The following RUNX2 variants were observed in gnomAD, a reference collection of about 807,000 sequenced individuals.
The protein encoded by RUNX2 is runt-related transcription factor 2.
A neutral mutation model predicts 51.7 loss-of-function variants in RUNX2; 10 were observed. That is an observed-to-expected ratio of 0.19 (90% CI 0.12 to 0.33). The LOEUF (loss-of-function observed/expected upper bound fraction) is 0.33, where lower values mean the gene tolerates loss of function less well. Among genes scored for constraint, RUNX2 ranks in the 10% least tolerant of loss-of-function variants. The pLI is 1.00. For missense variants in RUNX2, 562 were observed against 691.3 expected, an observed-to-expected ratio of 0.81 and a Z score of 2.10; for synonymous variants, 276 against 273.6, an observed-to-expected ratio of 1.01 and a Z score of -0.09.
intron 2 of RUNX2, among the ~76,000 whole-genome samples, chr6:45,341,934 G>A (rs1789864344): frequency 6.6e-6 from 1 of 152,132 alleles, no homozygotes; most frequent in Admixed American, 6.5e-5. Context: ...AGCCAGAACA[G>A]TCAACCAAAA....
chr6:45,532,448 T>C (rs1801889366), intron 7 of RUNX2, among the ~76,000 whole-genome samples: 1 of 152,070 alleles, frequency 6.6e-6, no homozygotes, highest in Non-Finnish European at 1.5e-5. Context: ...GTGATCACCC[T>C]GTGAGGCAGG....
chr6:45,512,273 C>T lies in RUNX2; in HGVS notation c.887C>T (p.Pro296Leu), dbSNP rs201584115. 1.4e-4 allele frequency: 230 copies of T among 1,614,050 alleles called. 1 individual carries two copies. Among genetic ancestry groups the T allele is most frequent in the South Asian group, 3.1e-4 (28 of 91,082 alleles). ...TDPRQAQSSP[P>L]WSYDQSYPSY... ...CCCAGGCAGGCACAGTCTTCCCCGC[C>T]GTGGTCCTATGACCAGTCTTACCCC... The change falls in exon 7 of 9, where the codon CCG becomes CTG. Residue 296 changes from proline to leucine, a missense_variant. Around this residue, in one of 5 missense-constraint regions of RUNX2, gnomAD observed 304 missense variants for 353.2 expected, o/e 0.86. Transcript: ENST00000647337.
intron 2 of RUNX2, among the ~76,000 whole-genome samples, chr6:45,380,380 G>A (rs1020618827): frequency 6.6e-6 from 1 of 152,188 alleles, no homozygotes; most frequent in Non-Finnish European, 1.5e-5. Flanking sequence ...ATGAAGCATT[G>A]TTAGCGTAGA....
At chr6:45,393,900 T>C (rs2150348322) in intron 2 of RUNX2, among the ~76,000 whole-genome samples, 1 of 149,384 alleles carries the variant, frequency 6.7e-6, no homozygotes, top group Middle Eastern at 3.5e-3. Flanking sequence ...AGGAGTAGGG[T>C]TGGGGTTGGG....
At chr6:45,499,645 G>A (rs1800742892) in intron 6 of RUNX2, among the ~76,000 whole-genome samples, 1 of 152,166 alleles carries the variant, frequency 6.6e-6, no homozygotes, top group Non-Finnish European at 1.5e-5. Context: ...AGTAGAGAGG[G>A]TGATGTTCCC....
intron 3 of RUNX2, among the ~76,000 whole-genome samples, chr6:45,423,871 G>A (rs1798308681): frequency 6.6e-6 from 1 of 152,212 alleles, no homozygotes; most frequent in South Asian, 2.1e-4. Context: ...AGCTCGGGCC[G>A]CTTCTTCCAG....
intron 2 of RUNX2, among the ~76,000 whole-genome samples, chr6:45,352,460 G>A (rs1044881443): frequency 2.6e-5 from 4 of 152,060 alleles, no homozygotes; most frequent in Non-Finnish European, 5.9e-5. Context: ...AGGAAAGAAG[G>A]TGAAACATTG....
intron 5 of RUNX2, among the ~76,000 whole-genome samples, chr6:45,463,796 T>C (rs376597962): frequency 6.6e-6 from 1 of 152,184 alleles, no homozygotes; most frequent in Non-Finnish European, 1.5e-5. Context: ...GTCTTGGAAA[T>C]ACACATATTA....
At chr6:45,352,108 C>T (rs1792183661) in intron 2 of RUNX2, among the ~76,000 whole-genome samples, 1 of 152,140 alleles carries the variant, frequency 6.6e-6, no homozygotes, top group Non-Finnish European at 1.5e-5. Flanking sequence ...ATAAATATTA[C>T]CTGACCTTTT....
At chr6:45,478,502 C>A (rs1460195306) in intron 5 of RUNX2, among the ~76,000 whole-genome samples, 3 of 152,186 alleles carry the variant, frequency 2.0e-5, no homozygotes, top group Non-Finnish European at 2.9e-5. Context: ...AACTTAGTAG[C>A]AGAGCTAGGA....
intron 2 of RUNX2, among the ~76,000 whole-genome samples, chr6:45,334,163 T>A (rs1297106526): frequency 6.6e-6 from 1 of 151,158 alleles, no homozygotes; most frequent in Non-Finnish European, 1.5e-5. Flanking sequence ...TCTAAAAAGG[T>A]ATATCTAAAT....
At chr6:45,384,011 C>T (rs1563061976) in intron 2 of RUNX2, among the ~76,000 whole-genome samples, 1 of 152,198 alleles carries the variant, frequency 6.6e-6, no homozygotes. Flanking sequence ...GTATTTTCCT[C>T]TTTCCAGAAT....
At chr6:45,451,645 C>A (rs1009666922) in intron 5 of RUNX2, among the ~76,000 whole-genome samples, 2 of 152,054 alleles carry the variant, frequency 1.3e-5, no homozygotes, top group Non-Finnish European at 2.9e-5. Flanking sequence ...TGTATGGTGA[C>A]CAGCTGTTTT....
At chr6:45,459,932 G>A (rs1264881620) in intron 5 of RUNX2, among the ~76,000 whole-genome samples, 1 of 152,156 alleles carries the variant, frequency 6.6e-6, no homozygotes, top group African/African-American at 2.4e-5. Flanking sequence ...AAGGCATTGA[G>A]GCCCAGCTCT....
At chr6:45,534,374 A>G (rs1271857797) in intron 7 of RUNX2, among the ~76,000 whole-genome samples, 1 of 152,284 alleles carries the variant, frequency 6.6e-6, no homozygotes, top group Non-Finnish European at 1.5e-5. Context: ...ATGGGTGCCT[A>G]TCCTGACTAC....
intron 2 of RUNX2, among the ~76,000 whole-genome samples, chr6:45,334,679 T>C (rs1435900352): frequency 6.6e-6 from 1 of 151,194 alleles, no homozygotes; most frequent in Non-Finnish European, 1.5e-5. Flanking sequence ...TTAACATTTT[T>C]ATACATGGCA....
chr6:45,473,806 A>C (rs572704264), intron 5 of RUNX2, among the ~76,000 whole-genome samples: 327 of 152,274 alleles, frequency 2.1e-3, no homozygotes, highest in South Asian at 0.014. Flanking sequence ...TTCCCTCTGA[A>C]ATTTTGAGTC....
intron 7 of RUNX2, among the ~76,000 whole-genome samples, chr6:45,542,807 A>G (rs1802272729): frequency 6.6e-6 from 1 of 152,222 alleles, no homozygotes; most frequent in Non-Finnish European, 1.5e-5. Flanking sequence ...GGTAACTAAG[A>G]TAGCATATCC....
chr6:45,378,512 C>T (rs534427308), intron 2 of RUNX2, among the ~76,000 whole-genome samples: 2 of 152,308 alleles, frequency 1.3e-5, no homozygotes, highest in East Asian at 3.9e-4. Context: ...AGCTCTTACG[C>T]CGCTTCCGCG....
Sources: allele counts gnomAD v4.1 joint callset (sites outside exome capture counted in the v4.1 genomes callset), GRCh38; gene constraint gnomAD v4.1.1; regional missense constraint gnomAD v4.1.1; transcripts MANE v1.5; gene names NCBI Gene and HGNC (gene_info 2026-07-23, HGNC 2026-07-21).